The following NDUFAF2 variants were observed in gnomAD, a reference collection of about 807,000 sequenced individuals.
NDUFAF2 encodes NADH dehydrogenase [ubiquinone] 1 alpha subcomplex assembly factor 2.
Under a neutral mutation model 22.8 loss-of-function variants are expected in NDUFAF2, and 13 were observed. The ratio of observed to expected loss-of-function variants is 0.57; its 90% CI spans 0.37 to 0.91. NDUFAF2 has a LOEUF of 0.91. NDUFAF2 is among the 40% of genes least tolerant of loss of function. The pLI, the probability that NDUFAF2 is intolerant of heterozygous loss-of-function variation, is 0.01. For missense variants in NDUFAF2, 162 were observed against 195.2 expected (o/e 0.83, Z 1.01); for synonymous variants, 53 against 64.2 (o/e 0.83, Z 0.84).
At chr5:61,109,770 G>C (rs981159849) in intron 3 of NDUFAF2, among the ~76,000 whole-genome samples, 1 of 152,040 alleles carries the variant, frequency 6.6e-6, no homozygotes, top group African/African-American at 2.4e-5. Flanking sequence ...TCTCTTGCCT[G>C]CCACCATGTA....
intron 1 of NDUFAF2, among the ~76,000 whole-genome samples, chr5:61,040,580 A>G (rs1580108611): frequency 6.6e-6 from 1 of 152,008 alleles, no homozygotes; most frequent in African/African-American, 2.4e-5. Context: ...TTTTTGTACA[A>G]ATTTCTATCA....
chr5:61,143,958 TTTTGTGTGTGTGTGTGTGTGTG>T (rs1361543149), intron 3 of NDUFAF2, among the ~76,000 whole-genome samples: 1 of 125,560 alleles, frequency 8.0e-6, no homozygotes. Context: ...AATGGCATAT[TTTTGTGTGTGTGTGTGTGTGTG>T]TGTGTGTGTG....
At chr5:60,996,907 G>T (rs1473022987) in intron 1 of NDUFAF2, among the ~76,000 whole-genome samples, 1 of 152,094 alleles carries the variant, frequency 6.6e-6, no homozygotes, top group Non-Finnish European at 1.5e-5. Context: ...CTCTTTCCGG[G>T]ATATGAAGTT....
chr5:61,098,242 T>G (rs1752667562), intron 2 of NDUFAF2, among the ~76,000 whole-genome samples: 1 of 152,182 alleles, frequency 6.6e-6, no homozygotes, highest in Admixed American at 6.5e-5. Flanking sequence ...GCTTAGAAAA[T>G]TAAATAACTT....
chr5:61,044,405 A>G (rs1036926825), intron 1 of NDUFAF2, among the ~76,000 whole-genome samples: 3 of 152,068 alleles, frequency 2.0e-5, no homozygotes, highest in Non-Finnish European at 4.4e-5. Context: ...TGCTTTTGGT[A>G]TCATATCCAA....
At chr5:60,964,980 G>A (rs554816910) in intron 1 of NDUFAF2, among the ~76,000 whole-genome samples, 7 of 152,104 alleles carry the variant, frequency 4.6e-5, no homozygotes, top group African/African-American at 1.7e-4. Context: ...CGTTCCTCAT[G>A]TTATGGTTGT....
At chr5:61,032,750 A>C (rs1751744577) in intron 1 of NDUFAF2, among the ~76,000 whole-genome samples, 1 of 152,154 alleles carries the variant, frequency 6.6e-6, no homozygotes, top group Non-Finnish European at 1.5e-5. Flanking sequence ...AGTTTTTTCC[A>C]ATTCTGTGAA....
chr5:60,958,525 A>G (rs546052386), intron 1 of NDUFAF2, among the ~76,000 whole-genome samples: 5 of 152,282 alleles, frequency 3.3e-5, no homozygotes, highest in African/African-American at 7.2e-5. Context: ...TTTTTATAAC[A>G]ACCATGTAAC....
chr5:61,131,547 G>A (rs1353364212), intron 3 of NDUFAF2, among the ~76,000 whole-genome samples: 2 of 152,048 alleles, frequency 1.3e-5, no homozygotes, highest in Non-Finnish European at 2.9e-5. Flanking sequence ...ATACAAGAAT[G>A]TTGTTTGTAG....
intron 1 of NDUFAF2, among the ~76,000 whole-genome samples, chr5:61,062,335 A>G (rs1270154344): frequency 6.6e-6 from 1 of 152,148 alleles, no homozygotes; most frequent in Non-Finnish European, 1.5e-5. Context: ...TATGATCTGA[A>G]TGAGAAATTC....
chr5:61,042,547 T>C (rs75804649), intron 1 of NDUFAF2, among the ~76,000 whole-genome samples: 2,014 of 152,264 alleles, frequency 0.013, 48 homozygotes, highest in African/African-American at 0.046. Context: ...GCCAGTTGTG[T>C]GTGTGCATGG....
rs559499275 is a variant in NDUFAF2, at chr5:61,092,065, A to G, written c.218-6927A>G. 6.6e-5 allele frequency among the ~76,000 whole-genome samples: 10 copies of G among 152,196 alleles called. No homozygotes were observed. The South Asian group carries it at 1.9e-3, about 28-fold the overall frequency. On this transcript the variant is annotated intron_variant, in intron 2 of 3. Coordinates refer to ENST00000296597, the MANE Select transcript of NDUFAF2 (RefSeq NM_174889.5). ...CATTGGTCTATGTGTCTGTTTTTGTATCAGTACCATGCTGTTTTGGTTACC... is the reference window on the plus strand; with the variant it reads ...CATTGGTCTATGTGTCTGTTTTTGTGTCAGTACCATGCTGTTTTGGTTACC...
At chr5:61,015,454 G>A (rs2112600099) in intron 1 of NDUFAF2, among the ~76,000 whole-genome samples, 1 of 152,082 alleles carries the variant, frequency 6.6e-6, no homozygotes, top group East Asian at 1.9e-4. Context: ...GCTAATTTTT[G>A]TATTTTTAGT....
At chr5:60,979,250 G>A (rs1750943750) in intron 1 of NDUFAF2, among the ~76,000 whole-genome samples, 1 of 152,134 alleles carries the variant, frequency 6.6e-6, no homozygotes, top group Admixed American at 6.5e-5. Context: ...TGGTGGCTAC[G>A]GGTAATGACT....
chr5:60,990,540 A>C (rs946813291), intron 1 of NDUFAF2, among the ~76,000 whole-genome samples: 1 of 152,188 alleles, frequency 6.6e-6, no homozygotes, highest in African/African-American at 2.4e-5. Context: ...TTATTAAAAT[A>C]GCATTTAGCT....
At chr5:61,128,875 G>A (rs1001663403) in intron 3 of NDUFAF2, among the ~76,000 whole-genome samples, 7 of 151,960 alleles carry the variant, frequency 4.6e-5, no homozygotes, top group African/African-American at 1.7e-4. Context: ...CTACAGAATG[G>A]GAGAAAACTT....
intron 3 of NDUFAF2, among the ~76,000 whole-genome samples, chr5:61,127,618 A>G (rs577184050): frequency 5.9e-5 from 9 of 152,288 alleles, no homozygotes; most frequent in Non-Finnish European, 1.2e-4. Context: ...ACCTCTCAAT[A>G]CATTAGGTAT....
At chr5:60,969,455 G>A (rs1336436878) in intron 1 of NDUFAF2, among the ~76,000 whole-genome samples, 1 of 152,072 alleles carries the variant, frequency 6.6e-6, no homozygotes, top group Non-Finnish European at 1.5e-5. Context: ...GCATTTCTCT[G>A]ATGATGAACG....
At chr5:61,004,780 T>A (rs1475869435) in intron 1 of NDUFAF2, among the ~76,000 whole-genome samples, 1 of 152,044 alleles carries the variant, frequency 6.6e-6, no homozygotes, top group Non-Finnish European at 1.5e-5. Context: ...AAAACTTTTC[T>A]GAGATAAAGT....
Sources: gnomAD v4.1 joint callset for allele counts (sites outside exome capture counted in the v4.1 genomes callset) on GRCh38, gnomAD v4.1.1 for gene constraint, MANE v1.5 for transcripts, NCBI Gene and HGNC (gene_info 2026-07-23, HGNC 2026-07-21) for gene names.